Variants in BACH2 observed in about 807,000 individuals in gnomAD.
The protein encoded by BACH2 is transcription regulator protein BACH2.
In BACH2, 5 loss-of-function variants were observed where a neutral mutation model predicts 61.8. That is an observed-to-expected ratio of 0.08 (90% CI 0.04 to 0.17). The LOEUF (loss-of-function observed/expected upper bound fraction) is 0.17, where lower values mean the gene tolerates loss of function less well. Ranked by LOEUF, BACH2 falls within the 10% of genes least tolerant of loss-of-function variation. The probability of loss-of-function intolerance (pLI) is 1.00; values close to 1 mark genes in which losing one functional copy is unlikely to be tolerated. For missense variants in BACH2, 824 were observed against 1,091.1 expected (o/e 0.76, Z 3.45); for synonymous variants, 446 against 440.1 (o/e 1.01, Z -0.17).
intron 4 of BACH2, among the ~76,000 whole-genome samples, chr6:90,125,224 T>C (rs1359339295): frequency 6.6e-6 from 1 of 152,170 alleles, no homozygotes; most frequent in African/African-American, 2.4e-5. Flanking sequence ...TTAGTTTGTG[T>C]GTTTATTTAT....
intron 5 of BACH2, among the ~76,000 whole-genome samples, chr6:90,036,586 A>T (rs1171673343): frequency 6.6e-6 from 1 of 152,182 alleles, no homozygotes. Context: ...TTCATTACAC[A>T]TCCATCCATC....
chr6:90,073,185 TC>T (rs1312155555), intron 5 of BACH2, among the ~76,000 whole-genome samples: 1 of 152,190 alleles, frequency 6.6e-6, no homozygotes, highest in African/African-American at 2.4e-5. Context: ...AAGATGAGGC[TC>T]CTTTAAAAAG....
intron 3 of BACH2, among the ~76,000 whole-genome samples, chr6:90,236,434 G>T (rs748617757): frequency 6.6e-6 from 1 of 152,200 alleles, no homozygotes; most frequent in African/African-American, 2.4e-5. Flanking sequence ...TTTACCCAGG[G>T]CACAGAAAGA....
At position 90,187,155 on chromosome 6, in the gene BACH2, G is replaced by A. The variant is rs545433097; in HGVS notation, c.-162+19414C>T. Among the ~76,000 whole-genome samples the A allele has an allele frequency of 4.6e-5, 7 of 152,246 alleles. No homozygotes were observed. In the South Asian group the frequency reaches 6.2e-4, roughly 14 times the overall value. On this transcript the variant is annotated intron_variant, in intron 4 of 8. Coordinates refer to ENST00000257749, the MANE Select transcript of BACH2 (RefSeq NM_021813.4). ...AAATCAAGTGTCTTATTGAGAACAC[G>A]GCAATACTGAGAGGCTTGGGTGTGG...
chr6:90,295,035 TGA>T (rs1370191888), intron 1 of BACH2, among the ~76,000 whole-genome samples: 1 of 152,024 alleles, frequency 6.6e-6, no homozygotes, highest in Non-Finnish European at 1.5e-5. Context: ...TTACAGAGAG[TGA>T]GAGACTGCAG....
chr6:90,262,480 C>G (rs1056118268), intron 2 of BACH2, among the ~76,000 whole-genome samples: 47 of 152,176 alleles, frequency 3.1e-4, no homozygotes, highest in Non-Finnish European at 5.7e-4. Flanking sequence ...GATTCCAGGA[C>G]AGCAATCCTG....
intron 5 of BACH2, among the ~76,000 whole-genome samples, chr6:90,053,848 G>C (rs1271829909): frequency 6.6e-6 from 1 of 152,188 alleles, no homozygotes; most frequent in African/African-American, 2.4e-5. Context: ...CCTTTTAAGA[G>C]AGCTGTCTTC....
chr6:89,980,154 C>T (rs1246478619), intron 6 of BACH2, among the ~76,000 whole-genome samples: 17 of 151,954 alleles, frequency 1.1e-4, no homozygotes, highest in African/African-American at 3.4e-4. Flanking sequence ...ATTAGCTGGG[C>T]GTGGTGGTGT....
intron 3 of BACH2, among the ~76,000 whole-genome samples, chr6:90,239,658 A>G (rs1457869186): frequency 3.9e-5 from 6 of 152,208 alleles, no homozygotes; most frequent in African/African-American, 1.4e-4. Context: ...AATCTCGTCT[A>G]TATGACTAAG....
intron 2 of BACH2, among the ~76,000 whole-genome samples, chr6:90,262,072 T>C (rs1771177201): frequency 6.6e-6 from 1 of 152,198 alleles, no homozygotes. Context: ...CCTGAAGTTG[T>C]TCCCCACTGA....
chr6:90,060,910 C>T (rs1282672658), intron 5 of BACH2, among the ~76,000 whole-genome samples: 1 of 152,110 alleles, frequency 6.6e-6, no homozygotes, highest in African/African-American at 2.4e-5. Context: ...CCAATTCTGC[C>T]TTTTCTGGCT....
intron 4 of BACH2, among the ~76,000 whole-genome samples, chr6:90,120,961 G>A (rs1332938504): frequency 6.6e-6 from 1 of 152,152 alleles, no homozygotes; most frequent in Non-Finnish European, 1.5e-5. Flanking sequence ...AGAAATGAAA[G>A]TAAGTCACTA....
chr6:89,929,560 G>A lies in BACH2; in HGVS notation c.*2848C>T, dbSNP rs1438891952. 1 of 152,342 alleles carries A rather than the reference G, an allele frequency of 6.6e-6. No homozygotes were observed. The highest frequency in any genetic ancestry group is 1.5e-5 in the Non-Finnish European group (1 of 68,046). 9.4% of individuals were successfully genotyped at this position (152,342 alleles called of 1,614,324 possible). ...ATGAAATTGGAAGATGGTTTTTAGA[G>A]CAGTGTTTTTAACCAGTTCCCATGG... is the stretch of plus-strand genomic sequence containing the variant. On this transcript the variant is annotated 3_prime_UTR_variant, in exon 9 of 9. Transcript: ENST00000257749.
chr6:90,026,364 T>C (rs1778637519), intron 5 of BACH2, among the ~76,000 whole-genome samples: 1 of 152,232 alleles, frequency 6.6e-6, no homozygotes. Flanking sequence ...TTTCCAATGA[T>C]AATTACTGTC....
rs771225359 is a variant in BACH2 at position 89,932,383 on chromosome 6, C to T, written c.*25G>A. ...AGAACGCCTGGATGGGAGAGGTGTGCGGACTGGGAGGCAGAGCCGAGTCAC... is the reference window on the plus strand; with the variant it reads ...AGAACGCCTGGATGGGAGAGGTGTGTGGACTGGGAGGCAGAGCCGAGTCAC... On this transcript the variant is annotated 3_prime_UTR_variant, in exon 9 of 9. Coordinates refer to ENST00000257749, the MANE Select transcript of BACH2 (RefSeq NM_021813.4). 2.0e-5 allele frequency: 32 copies of T among 1,597,190 alleles called. No homozygotes were observed. Among genetic ancestry groups the T allele is most frequent in the Middle Eastern group, 1.7e-4 (1 of 5,984 alleles).
chr6:90,061,718 CGA>C (rs1156569795), intron 5 of BACH2, among the ~76,000 whole-genome samples: 1 of 151,990 alleles, frequency 6.6e-6, no homozygotes, highest in Admixed American at 6.6e-5. Flanking sequence ...AAAAAATCCA[CGA>C]GAGGAGCTGT....
At position 89,932,648 on chromosome 6, in the gene BACH2, C is replaced by A. The variant is rs757186928; in HGVS notation, c.2286G>T (p.Val762=). The change falls in exon 9 of 9, where the codon GTG becomes GTT. Residue 762 remains valine (V), a synonymous_variant. Transcript: ENST00000257749. ...EQNIAASQCA[V]GENVPCCLEP... is the part of the protein sequence containing the mutation. ...CCAAGCAGCAGGGCACGTTTTCCCC[C>A]ACTGCGCATTGGGAGGCCGCAATGT... 1.2e-6 allele frequency: 2 copies of A among 1,614,114 alleles called. No homozygotes were observed. Among genetic ancestry groups the A allele is most frequent in the South Asian group, 2.2e-5 (2 of 91,084 alleles).
chr6:90,023,340 C>T (rs2127785569), intron 5 of BACH2, among the ~76,000 whole-genome samples: 1 of 151,884 alleles, frequency 6.6e-6, no homozygotes, highest in South Asian at 2.1e-4. Flanking sequence ...GCTGTTGCCT[C>T]AATAGTGAGT....
chr6:90,202,940 G>A (rs1769005110), intron 4 of BACH2, among the ~76,000 whole-genome samples: 1 of 152,132 alleles, frequency 6.6e-6, no homozygotes, highest in Admixed American at 6.5e-5. Flanking sequence ...TTTGGCTATG[G>A]CTTTTAAGTG....
Sources: gnomAD v4.1 joint callset for allele counts (sites outside exome capture counted in the v4.1 genomes callset) on GRCh38, gnomAD v4.1.1 for gene constraint, MANE v1.5 for transcripts, NCBI Gene and HGNC (gene_info 2026-07-23, HGNC 2026-07-21) for gene names.